ELP1: variants seen among roughly 807,000 people sequenced by gnomAD.
The protein encoded by ELP1 is elongator acetyltransferase complex subunit 1.
ELP1 carries 131 observed loss-of-function variants against 183.2 expected under a neutral mutation model. The observed-to-expected ratio is 0.72, with a 90% CI of 0.62 to 0.83. The LOEUF (loss-of-function observed/expected upper bound fraction) is 0.83, where lower values mean the gene tolerates loss of function less well. ELP1 is among the 40% of genes least tolerant of loss of function. The probability of loss-of-function intolerance (pLI) is 0.00; values close to 1 mark genes in which losing one functional copy is unlikely to be tolerated. For synonymous variants in ELP1, 555 were observed against 569.0 expected, an observed-to-expected ratio of 0.98 and a Z score of 0.35; for missense variants, 1,550 against 1,594.9, an observed-to-expected ratio of 0.97 and a Z score of 0.48.
chr9:108,882,268 G>T, intron 29 of ELP1, 81 bp from the exon 30 acceptor site: 1 of 1,196,302 alleles, frequency 8.4e-7, no homozygotes, highest in South Asian at 1.2e-5. Flanking sequence ...ACTAACCACA[G>T]ACCTGCCTCT....
chr9:108,869,121 T>C lies in ELP1; in HGVS notation c.3993A>G (p.Leu1331=). The change falls in exon 37 of 37, where the codon CTA becomes CTG. Residue 1331 remains leucine, a synonymous_variant. Transcript: ENST00000374647. ...CCCTCCTAACTGCAGTCACTCAGTC[T>C]AGCAGGCTCAGCTTCCACTGGGTTC... is the stretch of plus-strand genomic sequence containing the variant. ...NRRTQWKLSL[L]D 6.2e-7 allele frequency: 1 copy of C among 1,613,884 alleles called. No homozygotes were observed. Among genetic ancestry groups the C allele is most frequent in the Non-Finnish European group, 8.5e-7 (1 of 1,179,746 alleles).
At chr9:108,908,625 A>G (rs1052487172) in intron 12 of ELP1, among the ~76,000 whole-genome samples, 4 of 152,192 alleles carry the variant, frequency 2.6e-5, no homozygotes, top group Non-Finnish European at 5.9e-5. Flanking sequence ...TGAAGGGGCT[A>G]CCCTCTCAGC....
chr9:108,886,511 T>C (rs552394461), intron 29 of ELP1, among the ~76,000 whole-genome samples: 70 of 152,096 alleles, frequency 4.6e-4, no homozygotes, highest in African/African-American at 1.6e-3. Flanking sequence ...AGATGCAAGG[T>C]TGGTTTAACA....
intron 12 of ELP1, 144 bp from the exon 13 acceptor site, chr9:108,908,548 G>C (rs948072962): frequency 1.2e-5 from 8 of 686,440 alleles, no homozygotes; most frequent in Non-Finnish European, 2.1e-5. Context: ...TAAAATTTCT[G>C]CTTTCCTCTT....
At chr9:108,909,009 C>T (rs1052432979) in intron 12 of ELP1, among the ~76,000 whole-genome samples, 2 of 152,058 alleles carry the variant, frequency 1.3e-5, no homozygotes, top group Admixed American at 6.6e-5. Flanking sequence ...GCTTGGAACG[C>T]TCTTTCTTTT....
chr9:108,886,556 C>T (rs564321818), intron 29 of ELP1, among the ~76,000 whole-genome samples: 1 of 152,260 alleles, frequency 6.6e-6, no homozygotes, highest in South Asian at 2.1e-4. Flanking sequence ...CCATATCACT[C>T]GTCTAAAAAC....
chr9:108,871,477 C>A (rs533038664), intron 36 of ELP1, among the ~76,000 whole-genome samples: 1 of 152,164 alleles, frequency 6.6e-6, no homozygotes, highest in African/African-American at 2.4e-5. Flanking sequence ...CTTGTCCAAG[C>A]CTTCTTGTTG....
At chr9:108,916,748 G>T (rs1829449559) in intron 9 of ELP1, among the ~76,000 whole-genome samples, 1 of 152,212 alleles carries the variant, frequency 6.6e-6, no homozygotes, top group Non-Finnish European at 1.5e-5. Context: ...ATAGGCCAAA[G>T]AGTTGCGGAC....
In ELP1 at chr9:108,901,450, A is replaced by G. The variant is rs1564088191; in HGVS notation, c.1989T>C (p.Phe663=). Residue 663 remains phenylalanine, a synonymous_variant, in exon 18 of 37, where the codon TTT becomes TTC. Coordinates refer to ENST00000374647, the MANE Select transcript of ELP1 (RefSeq NM_003640.5). The stretch of plus-strand genomic sequence containing the variant: ...TTTTAAATGAAGCATCCCTCAGGCA[A>G]AAACACTGGCAGGTATGGGAATGGG... ...LTTHSHTCQC[F]CLRDASFKTL... The G allele has an allele frequency of 6.2e-7, 1 of 1,613,638 alleles. No homozygotes were observed. Among genetic ancestry groups the G allele is most frequent in the Non-Finnish European group, 8.5e-7 (1 of 1,179,592 alleles).
intron 35 of ELP1, among the ~76,000 whole-genome samples, chr9:108,875,935 A>G (rs1223976811): frequency 2.6e-5 from 4 of 152,138 alleles, no homozygotes; most frequent in Non-Finnish European, 5.9e-5. Context: ...TAATGTGAAT[A>G]TGTGATCAGA....
At chr9:108,904,559 A>ATGT (rs1564090841) in intron 14 of ELP1, among the ~76,000 whole-genome samples, 2 of 152,228 alleles carry the variant, frequency 1.3e-5, no homozygotes, top group African/African-American at 4.8e-5. Context: ...ATTCCTCTAC[A>ATGT]AATGCTTCAA....
At chr9:108,899,323 CA>C (rs1443572189) in intron 20 of ELP1, among the ~76,000 whole-genome samples, 1 of 151,776 alleles carries the variant, frequency 6.6e-6, no homozygotes, top group East Asian at 1.9e-4. Context: ...AGAAAATCAT[CA>C]TGGAATTCAG....
chr9:108,932,410 C>T (rs1830028681), intron 1 of ELP1, among the ~76,000 whole-genome samples: 1 of 152,162 alleles, frequency 6.6e-6, no homozygotes. Context: ...GGCGCGATCT[C>T]GGCTCACCGC....
At position 108,906,362 on chromosome 9, in the gene ELP1, A is replaced by C. The variant is rs745586570; in HGVS notation, c.1584T>G (p.Ile528Met). The C allele has an allele frequency of 1.4e-5, 22 of 1,614,008 alleles. No individual in the cohort carries two copies. Among genetic ancestry groups the C allele is most frequent in the Non-Finnish European group, 1.9e-5 (22 of 1,179,956 alleles). Residue 528 changes from isoleucine (I) to methionine (M), a missense_variant, in exon 14 of 37, where the codon ATT becomes ATG. Coordinates refer to ENST00000374647, the MANE Select transcript of ELP1 (RefSeq NM_003640.5). ...CAGAAGAAGCTGCAGTCAAATGGTG[A>C]ATGACAGACCGGGGGCTGAACTCAC... ...SHSEFSPRSV[I>M]HHLTAASSEM... is the part of the protein sequence containing the mutation.
At chr9:108,924,545 G>A (rs1357340218) in intron 5 of ELP1, among the ~76,000 whole-genome samples, 1 of 152,180 alleles carries the variant, frequency 6.6e-6, no homozygotes, top group Non-Finnish European at 1.5e-5. Flanking sequence ...ACTGTGTGCT[G>A]TTACTCTCTC....
intron 32 of ELP1, among the ~76,000 whole-genome samples, chr9:108,879,809 C>G (rs975151654): frequency 8.5e-5 from 13 of 152,182 alleles, no homozygotes; most frequent in Non-Finnish European, 4.4e-5. Context: ...TGGTCAGCTG[C>G]TCTGGGTGAA....
chr9:108,890,951 G>A (rs1049488446), intron 28 of ELP1, among the ~76,000 whole-genome samples: 1 of 152,184 alleles, frequency 6.6e-6, no homozygotes, highest in Admixed American at 6.5e-5. Flanking sequence ...AAAGGTTGCA[G>A]AGCCACACAA....
At position 108,878,691 on chromosome 9, in the gene ELP1, C is replaced by T. The variant is rs1367926130; in HGVS notation, c.3632G>A (p.Ser1211Asn). The change falls in exon 34 of 37, where the codon AGT (serine) becomes AAT (asparagine). Residue 1211 changes from serine (S) to asparagine (N), a missense_variant. Transcript: ENST00000374647. Reference sequence around the variant, plus strand: ...CAGGAGGGCCAGGTCCTCCAGCGGACTGCCTTCTTTGAGGCTGTGCTTCTT... The same window carrying T: ...CAGGAGGGCCAGGTCCTCCAGCGGATTGCCTTCTTTGAGGCTGTGCTTCTT... ...ERKKHSLKEG[S>N]PLEDLALLEA... The T allele has an allele frequency of 1.2e-6, 2 of 1,614,102 alleles. No individual in the cohort carries two copies. Among genetic ancestry groups the T allele is most frequent in the Non-Finnish European group, 8.5e-7 (1 of 1,180,044 alleles).
At chr9:108,879,105 G>A (rs1271531151) in intron 33 of ELP1, among the ~76,000 whole-genome samples, 3 of 151,860 alleles carry the variant, frequency 2.0e-5, no homozygotes, top group Non-Finnish European at 1.5e-5. Flanking sequence ...ATTTTGAATT[G>A]AAGAAGCTTA....
Sources: gnomAD v4.1 joint callset for allele counts (sites outside exome capture counted in the v4.1 genomes callset) on GRCh38, gnomAD v4.1.1 for gene constraint, MANE v1.5 for transcripts, NCBI Gene and HGNC (gene_info 2026-07-23, HGNC 2026-07-21) for gene names.